The following KATNAL1 variants were observed in gnomAD, a reference collection of about 807,000 sequenced individuals.
The protein encoded by KATNAL1 is katanin catalytic subunit A1 like 1, also known as katanin p60 ATPase-containing subunit A-like 1.
In KATNAL1, 32 loss-of-function variants were observed where a neutral mutation model predicts 55.2. That is an observed-to-expected ratio of 0.58 (90% CI 0.44 to 0.78). The LOEUF is 0.78. KATNAL1 is among the 30% of genes least tolerant of loss of function. The probability of loss-of-function intolerance (pLI) is 0.00; values close to 1 mark genes in which losing one functional copy is unlikely to be tolerated. For synonymous variants in KATNAL1, 193 were observed against 193.6 expected (o/e 1.00, Z 0.02); for missense variants, 466 against 600.9 (o/e 0.78, Z 2.35).
At chr13:30,226,652 T>C (rs1446968028) in intron 9 of KATNAL1, among the ~76,000 whole-genome samples, 1 of 152,224 alleles carries the variant, frequency 6.6e-6, no homozygotes, top group Non-Finnish European at 1.5e-5. Context: ...AGGGTATTGA[T>C]TAAACAGGTG....
rs564103451 is a variant in KATNAL1 at position 30,264,541 on chromosome 13, C to A, written c.324-8926G>T. On this transcript the variant is annotated intron_variant, in intron 3 of 10. Transcript: ENST00000380615. Reference sequence around the variant, plus strand: ...AAATTTACAAGAAAAAAACAAACAACCCCATCAAAAAGTGGGTTAAGGACA... The same window carrying A: ...AAATTTACAAGAAAAAAACAAACAAACCCATCAAAAAGTGGGTTAAGGACA... Among the ~76,000 whole-genome samples the A allele has an allele frequency of 5.2e-4, 79 of 151,274 alleles. 3 individuals carry two copies. The East Asian group carries it at 0.014, about 27-fold the overall frequency.
chr13:30,279,941 T>A, intron 3 of KATNAL1, 122 bp downstream of exon 3: 2 of 804,404 alleles, frequency 2.5e-6, no homozygotes, highest in South Asian at 4.0e-5. Context: ...ATGTGAATAT[T>A]AAAAACAGAT....
chr13:30,251,231 C>A (rs749921198), intron 4 of KATNAL1, among the ~76,000 whole-genome samples: 24 of 137,074 alleles, frequency 1.8e-4, no homozygotes, highest in Non-Finnish European at 3.4e-4. Flanking sequence ...TAATATTTTA[C>A]TTTTAGATTA....
At chr13:30,228,871 G>C (rs901861999) in intron 8 of KATNAL1, among the ~76,000 whole-genome samples, 1 of 152,160 alleles carries the variant, frequency 6.6e-6, no homozygotes, top group Non-Finnish European at 1.5e-5. Flanking sequence ...TCCCACCTCA[G>C]CCTCCTGAGT....
rs1361773725 is a variant in KATNAL1, at chr13:30,236,810, GCCACACT to G, written c.726+3643_726+3649del. On this transcript the variant is annotated intron_variant, in intron 6 of 10. Coordinates refer to ENST00000380615, the MANE Select transcript of KATNAL1 (RefSeq NM_032116.5). ...CCCATATAAACACTCTATACTTCCA[GCCACACT>G]GAACTACACAAGATTCCTCACATAT... 2.6e-5 allele frequency among the ~76,000 whole-genome samples: 4 copies of G among 152,202 alleles called. No homozygotes were observed. In the East Asian group the frequency reaches 7.7e-4, roughly 29 times the overall value.
intron 3 of KATNAL1, among the ~76,000 whole-genome samples, chr13:30,256,372 T>C (rs1218480603): frequency 6.6e-6 from 1 of 152,226 alleles, no homozygotes; most frequent in African/African-American, 2.4e-5. Context: ...TTGTCTCTTT[T>C]TGATTCTTGG....
chr13:30,283,815 T>C, intron 1 of KATNAL1, 24 bp from the exon 2 acceptor site: 2 of 1,520,660 alleles, frequency 1.3e-6, no homozygotes, highest in Non-Finnish European at 1.8e-6. Context: ...ATAATGACTT[T>C]TTAAAAATTT....
intron 9 of KATNAL1, among the ~76,000 whole-genome samples, chr13:30,220,217 T>C (rs1874704094): frequency 6.6e-6 from 1 of 151,998 alleles, no homozygotes; most frequent in African/African-American, 2.4e-5. Context: ...TCCCAACACT[T>C]TGGGAGGTGG....
chr13:30,234,694 C>CT (rs1876478524), intron 6 of KATNAL1, among the ~76,000 whole-genome samples: 1 of 152,224 alleles, frequency 6.6e-6, no homozygotes, highest in South Asian at 2.1e-4. Context: ...CTCCAGGCCT[C>CT]TATTTTGAAT....
chr13:30,267,857 G>A (rs372111585), intron 3 of KATNAL1, among the ~76,000 whole-genome samples: 20 of 152,288 alleles, frequency 1.3e-4, no homozygotes, highest in African/African-American at 4.8e-4. Flanking sequence ...TCCGAGGGCT[G>A]GAGATTTATT....
intron 1 of KATNAL1, among the ~76,000 whole-genome samples, chr13:30,284,865 G>T (rs555291095): frequency 6.6e-6 from 1 of 152,188 alleles, no homozygotes; most frequent in East Asian, 1.9e-4. Context: ...TCTATGCAAA[G>T]ATACTTTCCT....
At chr13:30,227,764 CTTTT>C (rs148803664) in intron 8 of KATNAL1, among the ~76,000 whole-genome samples, 2 of 147,928 alleles carry the variant, frequency 1.4e-5, no homozygotes, top group Non-Finnish European at 3.0e-5. Context: ...TTTTTTCTTT[CTTTT>C]TTTTTTCTTG....
chr13:30,283,292 G>GAAAAAAAAAA (rs1491096718), intron 2 of KATNAL1, among the ~76,000 whole-genome samples: 1 of 83,388 alleles, frequency 1.2e-5, no homozygotes, highest in Admixed American at 2.0e-4. Context: ...AAAAAAAAAA[G>GAAAAAAAAAA]GAATGAATGA....
intron 3 of KATNAL1, among the ~76,000 whole-genome samples, chr13:30,270,009 G>A (rs1344342429): frequency 5.6e-5 from 8 of 142,628 alleles, no homozygotes; most frequent in African/African-American, 1.0e-4. Flanking sequence ...CAGCCGCCCC[G>A]TCCGGGAGGG....
At chr13:30,298,107 TG>T (rs1337868085) in intron 1 of KATNAL1, among the ~76,000 whole-genome samples, 1 of 152,246 alleles carries the variant, frequency 6.6e-6, no homozygotes, top group African/African-American at 2.4e-5. Context: ...TATAGTATAG[TG>T]TAAACGTAAC....
Position 30,208,740 on chromosome 13 carries a change from TA to T in KATNAL1, c.1275-3del. 1 of 1,594,564 alleles carries T rather than the reference TA, an allele frequency of 6.3e-7. No homozygotes were observed. The highest frequency in any genetic ancestry group is 8.6e-7 in the Non-Finnish European group (1 of 1,168,798). On this transcript the variant is annotated splice_polypyrimidine_tract_variant and splice_region_variant and intron_variant, in intron 10 of 10. Transcript: ENST00000380615. Reference sequence around the variant, plus strand: ...CTCATTGCCATTAAAGAGGCATCCCTAAAAATATACCAAAATCAGTCAACAG... The same window carrying T: ...CTCATTGCCATTAAAGAGGCATCCCTAAAATATACCAAAATCAGTCAACAG...
intron 4 of KATNAL1, among the ~76,000 whole-genome samples, chr13:30,244,359 T>C (rs1877571695): frequency 6.6e-6 from 1 of 152,184 alleles, no homozygotes; most frequent in Admixed American, 6.5e-5. Context: ...TCCAAGTCTT[T>C]GCTATTGTGA....
chr13:30,220,747 G>A (rs1874770174), intron 9 of KATNAL1, among the ~76,000 whole-genome samples: 1 of 151,872 alleles, frequency 6.6e-6, no homozygotes, highest in Non-Finnish European at 1.5e-5. Context: ...CACCCAGGCT[G>A]GAGTGCTGTG....
At chr13:30,302,627 G>A (rs1882927839) in intron 1 of KATNAL1, among the ~76,000 whole-genome samples, 1 of 152,186 alleles carries the variant, frequency 6.6e-6, no homozygotes, top group Non-Finnish European at 1.5e-5. Context: ...AAGTTATATT[G>A]TTTGTCCCTC....
Sources: gnomAD v4.1 joint callset for allele counts (sites outside exome capture counted in the v4.1 genomes callset) on GRCh38, gnomAD v4.1.1 for gene constraint, MANE v1.5 for transcripts, NCBI Gene and HGNC (gene_info 2026-07-23, HGNC 2026-07-21) for gene names.